OLAH: variants seen among roughly 807,000 people sequenced by gnomAD.
The protein encoded by OLAH is S-acyl fatty acid synthase thioesterase, medium chain.
In OLAH, 33 loss-of-function variants were observed where a neutral mutation model predicts 27.8. That is an observed-to-expected ratio of 1.19 (90% CI 0.90 to 1.59). The LOEUF is 1.59. Ranked by LOEUF, OLAH falls within the 40% of genes most tolerant of loss-of-function variation. The probability of loss-of-function intolerance (pLI) is 0.00; values close to 1 mark genes in which losing one functional copy is unlikely to be tolerated. For synonymous variants in OLAH, 120 were observed against 102.9 expected, an observed-to-expected ratio of 1.17 and a Z score of -1.01; for missense variants, 359 against 310.8, an observed-to-expected ratio of 1.16 and a Z score of -1.17.
chr10:15,042,942 G>T (rs1843946746), upstream of OLAH, among the ~76,000 whole-genome samples: 1 of 134,244 alleles, frequency 7.4e-6, no homozygotes, highest in African/African-American at 2.8e-5. Flanking sequence ...CTCACTGCAA[G>T]CTCCGCCTCC....
At chr10:15,056,119 G>A (rs1280354079) in intron 3 of OLAH, among the ~76,000 whole-genome samples, 1 of 152,024 alleles carries the variant, frequency 6.6e-6, no homozygotes, top group Non-Finnish European at 1.5e-5. Flanking sequence ...CAAAGTGCTG[G>A]GATTACAGAC....
chr10:15,036,925 G>A (rs1314150892), intron 1 of OLAH, among the ~76,000 whole-genome samples: 1 of 151,166 alleles, frequency 6.6e-6, no homozygotes, highest in African/African-American at 2.4e-5. Context: ...CTAAAAATAC[G>A]AAAATTAGCC....
At chr10:15,046,582 C>T (rs1844022751) in intron 1 of OLAH, among the ~76,000 whole-genome samples, 1 of 152,006 alleles carries the variant, frequency 6.6e-6, no homozygotes, top group Non-Finnish European at 1.5e-5. Flanking sequence ...ATTCTCCTGC[C>T]TCAGCCTCCC....
chr10:15,045,274 T>C (rs1843993429), intron 1 of OLAH, among the ~76,000 whole-genome samples: 1 of 152,242 alleles, frequency 6.6e-6, no homozygotes, highest in Non-Finnish European at 1.5e-5. Flanking sequence ...AAGGTTTTTA[T>C]GTACTTCAAT....
At chr10:15,032,620 C>CAAAAAAAA (rs71390005) in intron 1 of OLAH, among the ~76,000 whole-genome samples, 1 of 95,654 alleles carries the variant, frequency 1.0e-5, no homozygotes. Context: ...GACTCAGTTT[C>CAAAAAAAA]AAAAAAAAAA....
At chr10:15,064,699 C>T (rs1020693161) in intron 5 of OLAH, among the ~76,000 whole-genome samples, 197 bp downstream of exon 5, 3 of 152,148 alleles carry the variant, frequency 2.0e-5, no homozygotes, top group African/African-American at 7.2e-5. Context: ...ATTCTGCTGC[C>T]CAGGCTAGAG....
At chr10:15,048,202 A>G (rs1844058482) in intron 2 of OLAH, among the ~76,000 whole-genome samples, 1 of 152,136 alleles carries the variant, frequency 6.6e-6, no homozygotes. Flanking sequence ...AATTCCGGTG[A>G]CATTATAAGT....
chr10:15,070,462 G>A (rs1187297720), intron 6 of OLAH, among the ~76,000 whole-genome samples: 1 of 152,086 alleles, frequency 6.6e-6, no homozygotes, highest in Non-Finnish European at 1.5e-5. Context: ...CTGAACAATA[G>A]CCTTTTTTGT....
chr10:15,049,804 G>A (rs1259870807), intron 3 of OLAH, 39 bp downstream of exon 3: 1 of 1,572,158 alleles, frequency 6.4e-7, no homozygotes, highest in Non-Finnish European at 8.6e-7. Flanking sequence ...AATTTAAAAG[G>A]GCAGATGACA....
At chr10:15,072,896 G>A (rs1412466119) in intron 7 of OLAH, among the ~76,000 whole-genome samples, 191 bp from the exon 8 acceptor site, 2 of 152,096 alleles carry the variant, frequency 1.3e-5, no homozygotes. Context: ...GATTTAGGTG[G>A]TTTTTGATTA....
At chr10:15,049,100 C>CTTTTTTT (rs752500462) in intron 2 of OLAH, among the ~76,000 whole-genome samples, 1 of 55,332 alleles carries the variant, frequency 1.8e-5, no homozygotes, top group Non-Finnish European at 3.4e-5. Context: ...GAGACTATGT[C>CTTTTTTT]TTTTTTTTTT....
chr10:15,067,358 GTCTCA>G (rs1354403506), intron 6 of OLAH, among the ~76,000 whole-genome samples: 1 of 149,130 alleles, frequency 6.7e-6, no homozygotes, highest in African/African-American at 2.5e-5. Context: ...AACGGTCTGT[GTCTCA>G]TCTCATCAAA....
intron 1 of OLAH, among the ~76,000 whole-genome samples, chr10:15,036,487 G>T (rs907018372): frequency 6.6e-6 from 1 of 151,992 alleles, no homozygotes; most frequent in Admixed American, 6.6e-5. Flanking sequence ...ACAAAAGCGA[G>T]ACTCTATCCC....
At chr10:15,067,056 G>A (rs1034284151) in intron 6 of OLAH, among the ~76,000 whole-genome samples, 1 of 152,160 alleles carries the variant, frequency 6.6e-6, no homozygotes, top group Non-Finnish European at 1.5e-5. Context: ...AGTATATGAG[G>A]TGATGGATAT....
chr10:15,055,800 A>T (rs894128958), intron 3 of OLAH, among the ~76,000 whole-genome samples: 1 of 151,428 alleles, frequency 6.6e-6, no homozygotes, highest in Non-Finnish European at 1.5e-5. Flanking sequence ...CTCCTCAAAC[A>T]CTGACTTAAG....
chr10:15,071,722 G>A, intron 6 of OLAH, 73 bp from the exon 7 acceptor site: 1 of 1,480,322 alleles, frequency 6.8e-7, no homozygotes, highest in Non-Finnish European at 9.3e-7. Flanking sequence ...AAGTTTCATT[G>A]ACATTAGGAA....
Position 15,073,263 on chromosome 10 carries a change from T to G in OLAH, c.*34T>G. The G allele has an allele frequency of 1.5e-6, 2 of 1,377,868 alleles. No homozygotes were observed. Among genetic ancestry groups the G allele is most frequent in the South Asian group, 2.4e-5 (2 of 82,014 alleles). The allele number at this position is 1,377,868 out of a possible 1,614,324, so 85.4% of individuals were successfully genotyped here. On this transcript the variant is annotated 3_prime_UTR_variant, in exon 8 of 8. Transcript: ENST00000378228. ...CCTTTCACTTTTAAAATAATCAAAG[T>G]AATATCATACTCTTCTCAGTTATTC...
At chr10:15,060,424 C>G (rs1844340409) in intron 3 of OLAH, among the ~76,000 whole-genome samples, 1 of 152,142 alleles carries the variant, frequency 6.6e-6, no homozygotes, top group Non-Finnish European at 1.5e-5. Context: ...CCCACCTCGG[C>G]CTGCCAAAGT....
At chr10:15,072,229 G>C (rs1446683342) in intron 7 of OLAH, among the ~76,000 whole-genome samples, 1 of 152,084 alleles carries the variant, frequency 6.6e-6, no homozygotes, top group Non-Finnish European at 1.5e-5. Flanking sequence ...ACCATGCCTG[G>C]CCAGCTTTTA....
Sources: allele counts gnomAD v4.1 joint callset (sites outside exome capture counted in the v4.1 genomes callset), GRCh38; gene constraint gnomAD v4.1.1; transcripts MANE v1.5; gene names NCBI Gene and HGNC (gene_info 2026-07-23, HGNC 2026-07-21).